Variants in MTHFD2L observed in about 807,000 individuals in gnomAD.
The protein encoded by MTHFD2L is methylenetetrahydrofolate dehydrogenase (NADP+ dependent) 2 like, also known as bifunctional methylenetetrahydrofolate dehydrogenase/cyclohydrolase 2, mitochondrial.
Under a neutral mutation model 34.9 loss-of-function variants are expected in MTHFD2L, and 29 were observed. The ratio of observed to expected loss-of-function variants is 0.83; its 90% CI spans 0.62 to 1.13. MTHFD2L has a LOEUF of 1.13. Among genes scored for constraint, MTHFD2L ranks in the 50% most tolerant of loss-of-function variants. MTHFD2L has a pLI of 0.00. For missense variants in MTHFD2L, 481 were observed against 446.5 expected (o/e 1.08, Z -0.70); for synonymous variants, 167 against 155.7 (o/e 1.07, Z -0.54).
chr4:74,252,362 A>G (rs16850788), intron 6 of MTHFD2L, among the ~76,000 whole-genome samples: 2,214 of 152,226 alleles, frequency 0.015, 65 homozygotes, highest in African/African-American at 0.051. Flanking sequence ...CTCGGGGGTC[A>G]TAACAACATA....
intron 5 of MTHFD2L, among the ~76,000 whole-genome samples, chr4:74,210,278 A>G (rs952553424): frequency 5.3e-5 from 8 of 152,110 alleles, no homozygotes; most frequent in African/African-American, 1.9e-4. Context: ...CCTATGTCCC[A>G]AATGGTATTG....
At chr4:74,243,962 G>C (rs1742068337) in intron 6 of MTHFD2L, among the ~76,000 whole-genome samples, 1 of 152,160 alleles carries the variant, frequency 6.6e-6, no homozygotes, top group South Asian at 2.1e-4. Context: ...TGGTAGGTGT[G>C]ACGGAACAAT....
intron 1 of MTHFD2L, among the ~76,000 whole-genome samples, chr4:74,167,619 A>G (rs891800190): frequency 1.3e-5 from 2 of 152,178 alleles, no homozygotes; most frequent in African/African-American, 2.4e-5. Context: ...GACTTGAGCA[A>G]TGTGTGGGAC....
intron 6 of MTHFD2L, among the ~76,000 whole-genome samples, chr4:74,271,390 GC>G (rs1745961601): frequency 6.6e-6 from 1 of 152,120 alleles, no homozygotes; most frequent in Admixed American, 6.5e-5. Flanking sequence ...TCTACATATG[GC>G]TAGCCAGTTT....
chr4:74,141,040 AT>A (rs1454839381), intron 1 of MTHFD2L, among the ~76,000 whole-genome samples: 3 of 152,146 alleles, frequency 2.0e-5, no homozygotes, highest in African/African-American at 7.2e-5. Flanking sequence ...ATATTCTCAA[AT>A]TTTTATGCTA....
intron 1 of MTHFD2L, among the ~76,000 whole-genome samples, chr4:74,163,854 T>C (rs1726007403): frequency 6.6e-6 from 1 of 152,034 alleles, no homozygotes; most frequent in Non-Finnish European, 1.5e-5. Context: ...TCTATTAGGA[T>C]TTTTCGTCTT....
chr4:74,252,130 C>A (rs1364835939), intron 6 of MTHFD2L, among the ~76,000 whole-genome samples: 1 of 152,252 alleles, frequency 6.6e-6, no homozygotes, highest in Non-Finnish European at 1.5e-5. Context: ...CTCTTGGCTA[C>A]TTGGAATAGC....
In MTHFD2L at chr4:74,207,766, C is replaced by CTTTTTTTTTTTTTT. The variant is rs768932793; in HGVS notation, c.712+6399_712+6412dup. On this transcript the variant is annotated intron_variant, in intron 5 of 7. Coordinates refer to ENST00000325278, the MANE Select transcript of MTHFD2L (RefSeq NM_001144978.3). Reference sequence around the variant, plus strand: ...AATTAACCCCAGTTGTGAAAAAGAACTTTTTTTTTTTTTTTTGCCAGCCTG... The same window carrying CTTTTTTTTTTTTTT: ...AATTAACCCCAGTTGTGAAAAAGAACTTTTTTTTTTTTTTTTTTTTTTTTTTTTTTGCCAGCCTG... Among the ~76,000 whole-genome samples, 286 of 128,422 alleles carry CTTTTTTTTTTTTTT rather than the reference C, an allele frequency of 2.2e-3. 20 individuals carry two copies. Among genetic ancestry groups the CTTTTTTTTTTTTTT allele is most frequent in the African/African-American group, 7.9e-3 (258 of 32,612 alleles). The allele number at this position is 128,422 out of a possible 152,430, so 84.2% of individuals were successfully genotyped here.
At chr4:74,254,808 G>A (rs970617599) in intron 6 of MTHFD2L, among the ~76,000 whole-genome samples, 2 of 117,380 alleles carry the variant, frequency 1.7e-5, no homozygotes, top group Non-Finnish European at 3.5e-5. Flanking sequence ...AAAAGAGAAC[G>A]GTATTAAAAA....
intron 3 of MTHFD2L, among the ~76,000 whole-genome samples, chr4:74,180,419 T>C (rs1729914697): frequency 6.6e-6 from 1 of 152,188 alleles, no homozygotes; most frequent in Admixed American, 6.5e-5. Flanking sequence ...AATTATTTTC[T>C]ATAATTTGGT....
intron 3 of MTHFD2L, among the ~76,000 whole-genome samples, chr4:74,184,349 C>T (rs1464562957): frequency 6.6e-6 from 1 of 152,070 alleles, no homozygotes; most frequent in Non-Finnish European, 1.5e-5. Flanking sequence ...GCCATTCTAA[C>T]ATGAATCAAA....
intron 5 of MTHFD2L, among the ~76,000 whole-genome samples, chr4:74,223,823 G>A (rs1353393141): frequency 6.6e-6 from 1 of 151,734 alleles, no homozygotes; most frequent in Non-Finnish European, 1.5e-5. Context: ...TTTGCATATG[G>A]TAAAATTTAC....
At chr4:74,134,384 G>C (rs975270002) in intron 1 of MTHFD2L, among the ~76,000 whole-genome samples, 3 of 152,054 alleles carry the variant, frequency 2.0e-5, no homozygotes, top group African/African-American at 2.4e-5. Context: ...CCTCCTTATG[G>C]GACAGGCAGT....
intron 3 of MTHFD2L, among the ~76,000 whole-genome samples, chr4:74,179,249 G>A (rs1334993186): frequency 6.6e-6 from 1 of 152,030 alleles, no homozygotes; most frequent in Non-Finnish European, 1.5e-5. Context: ...AAGGCATAAC[G>A]TAAGCACATA....
chr4:74,192,581 T>A (rs1732744440), intron 3 of MTHFD2L, among the ~76,000 whole-genome samples: 1 of 152,292 alleles, frequency 6.6e-6, no homozygotes, highest in East Asian at 1.9e-4. Context: ...TCATGTAATC[T>A]AAACCCCTAT....
intron 5 of MTHFD2L, among the ~76,000 whole-genome samples, chr4:74,219,405 T>C (rs1261036416): frequency 6.6e-6 from 1 of 152,126 alleles, no homozygotes; most frequent in East Asian, 1.9e-4. Context: ...AAAAGTCATC[T>C]GAAGGTCAGA....
At chr4:74,187,753 CA>C (rs1731579529) in intron 3 of MTHFD2L, among the ~76,000 whole-genome samples, 1 of 150,606 alleles carries the variant, frequency 6.6e-6, no homozygotes, top group African/African-American at 2.5e-5. Flanking sequence ...CACACACACA[CA>C]CACACACACA....
At chr4:74,293,595 C>A in intron 7 of MTHFD2L, 5 of 872,294 alleles carry the variant, frequency 5.7e-6, no homozygotes, top group Non-Finnish European at 6.9e-6. Flanking sequence ...CCCTCCGGAG[C>A]ACTTGATTCC....
intron 3 of MTHFD2L, among the ~76,000 whole-genome samples, chr4:74,187,125 A>G (rs1363303299): frequency 1.3e-5 from 2 of 152,234 alleles, no homozygotes; most frequent in Admixed American, 1.3e-4. Flanking sequence ...AAGAATATCT[A>G]GAAAAGAAAT....
Sources: gnomAD v4.1 joint callset for allele counts (sites outside exome capture counted in the v4.1 genomes callset) on GRCh38, gnomAD v4.1.1 for gene constraint, MANE v1.5 for transcripts, NCBI Gene and HGNC (gene_info 2026-07-23, HGNC 2026-07-21) for gene names.